CEP76: variants seen among roughly 807,000 people sequenced by gnomAD.
CEP76 encodes centrosomal protein of 76 kDa.
Under a neutral mutation model 83.3 loss-of-function variants are expected in CEP76, and 55 were observed. That is an observed-to-expected ratio of 0.66 (90% CI 0.53 to 0.83). The LOEUF (loss-of-function observed/expected upper bound fraction) is 0.83. Among genes scored for constraint, CEP76 ranks in the 40% least tolerant of loss-of-function variants. CEP76 has a pLI of 0.00. For missense variants in CEP76, 694 were observed against 799.5 expected (o/e 0.87, Z 1.59); for synonymous variants, 270 against 274.5 (o/e 0.98, Z 0.16).
chr18:12,696,104 T>C (rs2039947158), intron 5 of CEP76, among the ~76,000 whole-genome samples: 1 of 152,216 alleles, frequency 6.6e-6, no homozygotes, highest in Non-Finnish European at 1.5e-5. Flanking sequence ...AGGCCTATTT[T>C]TGAAGACAAA....
intron 2 of CEP76, 54 bp downstream of exon 2, chr18:12,700,904 A>G: frequency 1.4e-6 from 2 of 1,420,106 alleles, no homozygotes; most frequent in Non-Finnish European, 1.9e-6. Flanking sequence ...AAGTAGTGTT[A>G]CGCATTAGTA....
In CEP76 at chr18:12,682,162, C is replaced by T. The variant is rs551955080; in HGVS notation, c.1123-1334G>A. Among the ~76,000 whole-genome samples, 3 of 149,666 alleles carry T rather than the reference C, an allele frequency of 2.0e-5. No homozygotes were observed. In the South Asian group the frequency reaches 6.4e-4, roughly 32 times the overall value. The stretch of plus-strand genomic sequence containing the variant: ...GTTGAGTGTCCGAATGAAGAAATTT[C>T]TTTTTTTTTTCCTCTCTTTTGAGAT... On this transcript the variant is annotated intron_variant, in intron 8 of 11. Transcript: ENST00000262127.
At chr18:12,699,935 A>C in intron 2 of CEP76, 30 bp from the exon 3 acceptor site, 2 of 1,422,508 alleles carry the variant, frequency 1.4e-6, no homozygotes, top group Non-Finnish European at 1.9e-6. Context: ...AAATCAAAAC[A>C]AATTAGAAAA....
chr18:12,676,477 G>A (rs1291863984), intron 10 of CEP76, among the ~76,000 whole-genome samples: 1 of 151,616 alleles, frequency 6.6e-6, no homozygotes, highest in African/African-American at 2.4e-5. Flanking sequence ...GTCTCACCAC[G>A]TTGCCCAGGC....
intron 12 of CEP76, among the ~76,000 whole-genome samples, chr18:12,666,533 C>T (rs556856752): frequency 5.3e-5 from 8 of 151,106 alleles, no homozygotes; most frequent in East Asian, 1.9e-4. Flanking sequence ...CCTAACGTCC[C>T]GCCTCAATTG....
chr18:12,702,187 G>A (rs1758299100), intron 1 of CEP76, among the ~76,000 whole-genome samples: 1 of 151,930 alleles, frequency 6.6e-6, no homozygotes, highest in Non-Finnish European at 1.5e-5. Context: ...ACTTACACTC[G>A]ATCCGACTTC....
chr18:12,700,874 G>T (rs1358308935), intron 2 of CEP76, 84 bp downstream of exon 2: 2 of 1,114,324 alleles, frequency 1.8e-6, no homozygotes, highest in Non-Finnish European at 2.6e-6. Flanking sequence ...AAAACGAAAG[G>T]CCCCACATCG....
At chr18:12,663,266 C>A (rs2038735669) in intron 12 of CEP76, among the ~76,000 whole-genome samples, 1 of 152,094 alleles carries the variant, frequency 6.6e-6, no homozygotes, top group South Asian at 2.1e-4. Context: ...AAATTAAAAA[C>A]AAAATAAGGC....
intron 10 of CEP76, among the ~76,000 whole-genome samples, chr18:12,676,279 CTTTTTTTTTTTT>C (rs1157897766): frequency 9.4e-6 from 1 of 106,406 alleles, no homozygotes; most frequent in Non-Finnish European, 1.9e-5. Context: ...ACAGTAATTC[CTTTTTTTTTTTT>C]TTTTTTTTTT....
chr18:12,678,469 T>G, intron 9 of CEP76, 27 bp from the exon 10 acceptor site: 2 of 1,469,080 alleles, frequency 1.4e-6, no homozygotes, highest in Non-Finnish European at 1.8e-6. Flanking sequence ...ATTTTATATA[T>G]GAGAACTTAA....
rs1310070269 is a variant in CEP76 at position 12,673,375 on chromosome 18, G to A, written c.1970C>T (p.Ser657Leu). 22 of 1,604,066 alleles carry A rather than the reference G, an allele frequency of 1.4e-5. No homozygotes were observed. The highest frequency in any genetic ancestry group is 2.7e-5 in the African/African-American group (2 of 73,858). ...ATATAAATATTGGCCCTATAATACC[G>A]AGCGATATTTACAAGCAAACATGAT... ...VWIMFACKYR[S>L]VL Residue 657 changes from serine (S) to leucine (L), a missense_variant, in exon 12 of 12, where the codon TCG becomes TTG. Ser to Leu is a moderately radical substitution (Grantham distance 145). Coordinates refer to ENST00000262127, the MANE Select transcript of CEP76 (RefSeq NM_024899.4).
chr18:12,691,334 A>C, intron 7 of CEP76, 25 bp downstream of exon 7: 1 of 1,486,648 alleles, frequency 6.7e-7, no homozygotes, highest in African/African-American at 1.4e-5. Context: ...ACAGGCATAA[A>C]ATTATTCTAA....
In CEP76 at chr18:12,674,735, C is replaced by A; in HGVS notation, c.1642G>T (p.Val548Phe). The A allele has an allele frequency of 2.5e-6, 4 of 1,613,670 alleles. No individual in the cohort carries two copies. Among genetic ancestry groups the A allele is most frequent in the Non-Finnish European group, 3.4e-6 (4 of 1,179,794 alleles). ...AGGTAGGAGAGCTGGTCTTCCCAAACAGTAGTGAGGCCAAGATCCTATGAG... is the reference window on the plus strand; with the variant it reads ...AGGTAGGAGAGCTGGTCTTCCCAAAAAGTAGTGAGGCCAAGATCCTATGAG... ...EHRKDLGLTT[V>F]WEDQLSYLLS... Residue 548 changes from valine (V) to phenylalanine (F), a missense_variant, in exon 11 of 12, where the codon GTT (valine) becomes TTT (phenylalanine). By Grantham distance (50) the Val-to-Phe change is conservative. Coordinates refer to ENST00000262127, the MANE Select transcript of CEP76 (RefSeq NM_024899.4).
chr18:12,689,233 C>G (rs1436377099), intron 7 of CEP76, among the ~76,000 whole-genome samples: 2 of 152,132 alleles, frequency 1.3e-5, no homozygotes, highest in East Asian at 3.8e-4. Context: ...ATTAGATTGA[C>G]TGTTTTACAC....
chr18:12,690,462 G>GT (rs35616464), intron 7 of CEP76, among the ~76,000 whole-genome samples: 1,847 of 146,646 alleles, frequency 0.013, 41 homozygotes, highest in African/African-American at 0.041. Context: ...ATTTTTTGTT[G>GT]TTTTTTTTTT....
chr18:12,702,563 T>A lies in CEP76; in HGVS notation c.-15A>T. On this transcript the variant is annotated 5_prime_UTR_variant, in exon 1 of 12. Coordinates refer to ENST00000262127, the MANE Select transcript of CEP76 (RefSeq NM_024899.4). ...GGCAGCGACATGCTGGCAGCCGGCG[T>A]CTCCCCGCCGCTTCTCCCCGCCTCA... The A allele has an allele frequency of 1.3e-6, 2 of 1,555,058 alleles. No homozygotes were observed. Among genetic ancestry groups the A allele is most frequent in the Non-Finnish European group, 8.7e-7 (1 of 1,153,182 alleles).
rs1009179533 is a variant in CEP76 at position 12,672,885 on chromosome 18, A to G, written c.*480T>C. On this transcript the variant is annotated 3_prime_UTR_variant, in exon 12 of 12. Coordinates refer to ENST00000262127, the MANE Select transcript of CEP76 (RefSeq NM_024899.4). ...ACCACGAATAAACCACAAAAGTGGT[A>G]ATTCATTAACATTTATTTTCACCAA... 3.0e-6 allele frequency: 3 copies of G among 985,278 alleles called. No individual in the cohort carries two copies. The African/African-American group carries it at 5.2e-5, about 17-fold the overall frequency. The allele number at this position is 985,278 out of a possible 1,614,324, so 61.0% of individuals were successfully genotyped here. A position where few individuals can be genotyped will look rare whatever the true frequency, so the allele number is the denominator to read the frequency against.
intron 10 of CEP76, among the ~76,000 whole-genome samples, chr18:12,676,893 A>G (rs1183011971): frequency 6.6e-6 from 1 of 152,182 alleles, no homozygotes; most frequent in Non-Finnish European, 1.5e-5. Context: ...CAAAGAACAC[A>G]GAAAACAGGG....
chr18:12,671,615 A>G (rs2038944621), downstream of CEP76, among the ~76,000 whole-genome samples: 1 of 150,186 alleles, frequency 6.7e-6, no homozygotes, highest in African/African-American at 2.4e-5. Flanking sequence ...ATTTTAAAAT[A>G]AGTTGAGGAA....
Sources: gnomAD v4.1 joint callset for allele counts (sites outside exome capture counted in the v4.1 genomes callset) on GRCh38, gnomAD v4.1.1 for gene constraint, MANE v1.5 for transcripts, NCBI Gene and HGNC (gene_info 2026-07-23, HGNC 2026-07-21) for gene names.